CPEB3: variants seen among roughly 807,000 people sequenced by gnomAD.
CPEB3 encodes the protein cytoplasmic polyadenylation element binding protein 3, also known as cytoplasmic polyadenylation element-binding protein 3.
CPEB3 carries 20 observed loss-of-function variants against 67.2 expected under a neutral mutation model. The ratio of observed to expected loss-of-function variants is 0.30; its 90% CI spans 0.21 to 0.43. The LOEUF (loss-of-function observed/expected upper bound fraction) is 0.43, where lower values mean the gene tolerates loss of function less well. Ranked by LOEUF, CPEB3 falls within the 20% of genes least tolerant of loss-of-function variation. The pLI is 1.00. For missense variants in CPEB3, 746 were observed against 968.6 expected, an observed-to-expected ratio of 0.77 and a Z score of 3.05; for synonymous variants, 376 against 393.1, an observed-to-expected ratio of 0.96 and a Z score of 0.51.
At chr10:92,216,848 G>C in intron 2 of CPEB3, 1 of 1,542,862 alleles carries the variant, frequency 6.5e-7, no homozygotes, top group Non-Finnish European at 8.9e-7. Flanking sequence ...GCTGACGGCA[G>C]GACGACTGGC....
At chr10:92,249,163 G>C (rs1372149535) in intron 1 of CPEB3, among the ~76,000 whole-genome samples, 1 of 152,098 alleles carries the variant, frequency 6.6e-6, no homozygotes, top group Admixed American at 6.5e-5. Context: ...CGGATCACGA[G>C]GTCAGGAGAT....
intron 3 of CPEB3, among the ~76,000 whole-genome samples, chr10:92,184,174 C>T (rs892510457): frequency 6.6e-6 from 1 of 152,196 alleles, no homozygotes; most frequent in Non-Finnish European, 1.5e-5. Flanking sequence ...GAGCCTTAGG[C>T]AGTGTTTTGC....
chr10:92,243,340 C>T (rs1466765853), intron 1 of CPEB3: 1 of 152,108 alleles, frequency 6.6e-6, no homozygotes, highest in East Asian at 1.9e-4. Context: ...ACAAGGTACT[C>T]GATCTGACTT....
At chr10:92,195,172 A>C (rs1193934632) in intron 2 of CPEB3, among the ~76,000 whole-genome samples, 4 of 151,982 alleles carry the variant, frequency 2.6e-5, no homozygotes, top group Non-Finnish European at 4.4e-5. Flanking sequence ...TCAACAACCA[A>C]ACCAAGTCAA....
At chr10:92,133,766 A>G (rs1845955408) in intron 6 of CPEB3, among the ~76,000 whole-genome samples, 1 of 152,244 alleles carries the variant, frequency 6.6e-6, no homozygotes, top group Admixed American at 6.5e-5. Context: ...AAAATCCTCA[A>G]TAAAATACTG....
intron 4 of CPEB3, among the ~76,000 whole-genome samples, chr10:92,153,015 A>G (rs1269816777): frequency 1.3e-5 from 2 of 152,174 alleles, no homozygotes; most frequent in East Asian, 1.9e-4. Flanking sequence ...AAAACTAGTC[A>G]TCTTCCCCTC....
chr10:92,264,938 G>A (rs1274709866), intron 1 of CPEB3, among the ~76,000 whole-genome samples: 4 of 151,914 alleles, frequency 2.6e-5, no homozygotes, highest in Non-Finnish European at 5.9e-5. Context: ...GGCCAAGGTG[G>A]GCGGATCACC....
At chr10:92,269,888 C>G (rs1184699028) in intron 1 of CPEB3, among the ~76,000 whole-genome samples, 2 of 152,106 alleles carry the variant, frequency 1.3e-5, no homozygotes, top group African/African-American at 4.8e-5. Flanking sequence ...TCTTCCTCCT[C>G]CCTTATCAAA....
intron 9 of CPEB3, among the ~76,000 whole-genome samples, chr10:92,077,141 A>G (rs1842968368): frequency 6.6e-6 from 1 of 152,210 alleles, no homozygotes; most frequent in South Asian, 2.1e-4. Flanking sequence ...TCTGAAAAAG[A>G]AAAAGGGCAT....
intron 1 of CPEB3, among the ~76,000 whole-genome samples, chr10:92,250,069 T>A (rs2134775274): frequency 6.6e-6 from 1 of 151,704 alleles, no homozygotes; most frequent in Non-Finnish European, 1.5e-5. Context: ...TATTTTTATT[T>A]TAAGCTGTTA....
In CPEB3 at chr10:92,239,354, G is replaced by A. The variant is rs929503246; in HGVS notation, c.997C>T (p.Pro333Ser). ...FRTDNGNNLLPFQDRSRPYDT... is the reference protein window; with the variant it reads ...FRTDNGNNLLSFQDRSRPYDT... ...GTGCAGCAGAGTATTACCTGAAATGGCAACAGATTGTTACCATTATCGGTC... is the reference window on the plus strand; with the variant it reads ...GTGCAGCAGAGTATTACCTGAAATGACAACAGATTGTTACCATTATCGGTC... The change falls in exon 2 of 10, where the codon CCA (proline) becomes TCA (serine). Residue 333 changes from proline to serine, a missense_variant. Coordinates refer to ENST00000265997, the MANE Select transcript of CPEB3 (RefSeq NM_014912.5). The surrounding 1 kb of genome is among the most constrained non-coding windows in gnomAD (Gnocchi z 6.0). 8 of 1,605,222 alleles carry A rather than the reference G, an allele frequency of 5.0e-6. No individual in the cohort carries two copies. The highest frequency in any genetic ancestry group is 2.0e-4 in the Middle Eastern group (1 of 5,066).
chr10:92,272,282 A>G (rs1853341272), intron 1 of CPEB3: 1 of 152,050 alleles, frequency 6.6e-6, no homozygotes, highest in African/African-American at 2.4e-5. Context: ...ATTCTATTCT[A>G]TCTCATCATT....
intron 9 of CPEB3, among the ~76,000 whole-genome samples, chr10:92,060,563 TCAACAAAGAGA>T (rs1842302421): frequency 6.6e-6 from 1 of 151,656 alleles, no homozygotes; most frequent in Non-Finnish European, 1.5e-5. Context: ...AAGGATAAAA[TCAACAAAGAGA>T]CAACCCACTG....
At chr10:92,233,576 G>GA (rs542397593) in intron 2 of CPEB3, among the ~76,000 whole-genome samples, 38 of 140,396 alleles carry the variant, frequency 2.7e-4, no homozygotes, top group South Asian at 7.0e-4. Context: ...AAACTACTTG[G>GA]AAAAAAAAAA....
chr10:92,261,178 C>T (rs910677911), intron 1 of CPEB3, among the ~76,000 whole-genome samples: 1 of 152,154 alleles, frequency 6.6e-6, no homozygotes, highest in Admixed American at 6.5e-5. Context: ...TGTGTAATAT[C>T]AGTGTCTTAC....
chr10:92,111,965 G>A (rs998127689), intron 6 of CPEB3, among the ~76,000 whole-genome samples: 1 of 152,106 alleles, frequency 6.6e-6, no homozygotes, highest in African/African-American at 2.4e-5. Flanking sequence ...ATACCCTCTT[G>A]GCAGAGTACA....
chr10:92,243,408 G>C (rs775399366), intron 1 of CPEB3: 4 of 152,108 alleles, frequency 2.6e-5, no homozygotes, highest in Admixed American at 6.6e-5. Context: ...GAGGGGAAAA[G>C]GTTGTGTCCT....
chr10:92,171,771 T>C (rs974519426), intron 4 of CPEB3, among the ~76,000 whole-genome samples: 1 of 152,060 alleles, frequency 6.6e-6, no homozygotes, highest in African/African-American at 2.4e-5. Flanking sequence ...TGCACCACCA[T>C]GCCTGACTAA....
At chr10:92,192,132 T>C (rs1219078134) in intron 3 of CPEB3, among the ~76,000 whole-genome samples, 1 of 152,178 alleles carries the variant, frequency 6.6e-6, no homozygotes, top group Non-Finnish European at 1.5e-5. Context: ...CCTTGCAGTA[T>C]ATATACATGG....
Sources: gnomAD v4.1 joint callset for allele counts (sites outside exome capture counted in the v4.1 genomes callset) on GRCh38, gnomAD v4.1.1 for gene constraint, Gnocchi (gnomAD v3.1) non-coding constraint, MANE v1.5 for transcripts, NCBI Gene and HGNC (gene_info 2026-07-23, HGNC 2026-07-21) for gene names.